Variants in CORIN observed in about 807,000 individuals in gnomAD.
CORIN encodes the protein corin, serine peptidase.
CORIN carries 117 observed loss-of-function variants against 125.3 expected under a neutral mutation model. That is an observed-to-expected ratio of 0.93 (90% confidence interval 0.80 to 1.09). The LOEUF (loss-of-function observed/expected upper bound fraction) is 1.09, where lower values mean the gene tolerates loss of function less well. CORIN is among the 50% of genes least tolerant of loss of function. The probability of loss-of-function intolerance (pLI) is 0.00; values close to 1 mark genes in which losing one functional copy is unlikely to be tolerated. For synonymous variants in CORIN, 450 were observed against 466.4 expected, an observed-to-expected ratio of 0.96 and a Z score of 0.45; for missense variants, 1,253 against 1,306.7, an observed-to-expected ratio of 0.96 and a Z score of 0.63.
At chr4:47,741,936 G>T (rs1295925947) in intron 5 of CORIN, among the ~76,000 whole-genome samples, 2 of 151,866 alleles carry the variant, frequency 1.3e-5, no homozygotes, top group Non-Finnish European at 2.9e-5. Context: ...AATGCGTGTA[G>T]GTTTCTTTCT....
chr4:47,791,973 G>T (rs1731102628), intron 2 of CORIN, among the ~76,000 whole-genome samples: 1 of 152,074 alleles, frequency 6.6e-6, no homozygotes, highest in South Asian at 2.1e-4. Flanking sequence ...CTTTGAGAAT[G>T]ATATGCCTAG....
chr4:47,773,959 G>T (rs1287209845), intron 3 of CORIN, among the ~76,000 whole-genome samples: 2 of 151,700 alleles, frequency 1.3e-5, no homozygotes, highest in Non-Finnish European at 2.9e-5. Context: ...CCATAAGATT[G>T]ATCTATAATT....
intron 2 of CORIN, among the ~76,000 whole-genome samples, chr4:47,799,615 T>C (rs1731452102): frequency 6.6e-6 from 1 of 152,170 alleles, no homozygotes; most frequent in South Asian, 2.1e-4. Context: ...GGTTATTTGT[T>C]TTCTGCATCT....
At position 47,746,387 on chromosome 4, in the gene CORIN, A is replaced by G. The variant is rs557249048; in HGVS notation, c.618-1804T>C. The stretch of plus-strand genomic sequence containing the variant: ...TATACAAATAAGGAAAGAAGCACAG[A>G]CAAATAAGACATTTGTCCAAGTTCA... On this transcript the variant is annotated intron_variant, in intron 4 of 21. Transcript: ENST00000273857. Among the ~76,000 whole-genome samples the G allele has an allele frequency of 2.0e-5, 3 of 152,344 alleles. No homozygotes were observed. In the South Asian group the frequency reaches 6.2e-4, roughly 32 times the overall value.
chr4:47,653,064 T>C (rs1193619215), intron 13 of CORIN, among the ~76,000 whole-genome samples: 4 of 152,208 alleles, frequency 2.6e-5, no homozygotes, highest in South Asian at 2.1e-4. Context: ...GGTCCAAAAA[T>C]GTTGGCACAA....
chr4:47,799,131 G>GTGTGTGTGTGTT (rs1731422130), intron 2 of CORIN, among the ~76,000 whole-genome samples: 2 of 151,722 alleles, frequency 1.3e-5, no homozygotes, highest in African/African-American at 4.9e-5. Context: ...GTGTGTGTGT[G>GTGTGTGTGTGTT]TGTGTGTGTG....
At chr4:47,618,641 A>C (rs1209591180) in intron 19 of CORIN, among the ~76,000 whole-genome samples, 1 of 151,878 alleles carries the variant, frequency 6.6e-6, no homozygotes, top group Non-Finnish European at 1.5e-5. Context: ...AACATGGTGA[A>C]ACCCCGTCTT....
chr4:47,670,098 C>T (rs1429598754), intron 10 of CORIN, among the ~76,000 whole-genome samples: 4 of 152,204 alleles, frequency 2.6e-5, no homozygotes, highest in Non-Finnish European at 4.4e-5. Context: ...AAGTTAAACA[C>T]GTTCCCCATT....
chr4:47,748,569 A>C (rs146652428), intron 4 of CORIN, among the ~76,000 whole-genome samples: 2 of 152,212 alleles, frequency 1.3e-5, no homozygotes, highest in Non-Finnish European at 2.9e-5. Flanking sequence ...TGGTGTTCTC[A>C]CTAGGAAGGC....
chr4:47,736,940 A>T (rs928238979), intron 5 of CORIN, among the ~76,000 whole-genome samples: 1 of 152,264 alleles, frequency 6.6e-6, no homozygotes, highest in African/African-American at 2.4e-5. Context: ...AGAGAAGCAG[A>T]TCTATCACTT....
At chr4:47,661,987 A>G (rs1724271160) in intron 11 of CORIN, 131 bp from the exon 12 acceptor site, 1 of 837,828 alleles carries the variant, frequency 1.2e-6, no homozygotes, top group African/African-American at 1.7e-5. Flanking sequence ...TAAAAGATGC[A>G]CATATATATG....
chr4:47,822,654 G>A (rs1732567951), intron 1 of CORIN, among the ~76,000 whole-genome samples: 1 of 152,142 alleles, frequency 6.6e-6, no homozygotes, highest in East Asian at 1.9e-4. Flanking sequence ...CAAAAGTGAT[G>A]TTGCATTTTT....
intron 16 of CORIN, among the ~76,000 whole-genome samples, chr4:47,637,514 G>A (rs1168734027): frequency 6.6e-6 from 1 of 152,214 alleles, no homozygotes. Context: ...GCTGTGTGCA[G>A]CCTAGGGACT....
intron 6 of CORIN, among the ~76,000 whole-genome samples, chr4:47,688,606 A>G (rs568046091): frequency 6.6e-6 from 1 of 152,196 alleles, no homozygotes; most frequent in Non-Finnish European, 1.5e-5. Context: ...CATCTCAAAA[A>G]AAAATTTTAA....
chr4:47,732,721 G>A (rs889712300), intron 5 of CORIN, among the ~76,000 whole-genome samples: 4 of 151,962 alleles, frequency 2.6e-5, no homozygotes, highest in African/African-American at 9.7e-5. Context: ...ACGCCACCAC[G>A]CCCGGCTTTT....
chr4:47,612,172 G>A (rs1429774482), intron 19 of CORIN, among the ~76,000 whole-genome samples: 1 of 152,130 alleles, frequency 6.6e-6, no homozygotes, highest in Non-Finnish European at 1.5e-5. Context: ...GTAGATTTCA[G>A]CTATAAATCT....
intron 5 of CORIN, among the ~76,000 whole-genome samples, chr4:47,711,131 A>G (rs2109777369): frequency 6.6e-6 from 1 of 152,196 alleles, no homozygotes; most frequent in South Asian, 2.1e-4. Context: ...GCATCCCAGT[A>G]CCCCTCAAAC....
intron 4 of CORIN, among the ~76,000 whole-genome samples, chr4:47,748,951 T>C (rs1728781195): frequency 6.6e-6 from 1 of 152,156 alleles, no homozygotes. Flanking sequence ...ACCAGGACAT[T>C]AGCATTGATA....
intron 5 of CORIN, among the ~76,000 whole-genome samples, chr4:47,708,441 A>G (rs1726678350): frequency 2.0e-5 from 3 of 152,110 alleles, no homozygotes; most frequent in African/African-American, 7.2e-5. Flanking sequence ...CTAATGAGAT[A>G]ATTCAGAATT....
Sources: gnomAD v4.1 joint callset for allele counts (sites outside exome capture counted in the v4.1 genomes callset) on GRCh38, gnomAD v4.1.1 for gene constraint, MANE v1.5 for transcripts, NCBI Gene and HGNC (gene_info 2026-07-23, HGNC 2026-07-21) for gene names.